Variants in SP7 observed in about 807,000 individuals in gnomAD.
The protein encoded by SP7 is transcription factor Sp7.
Under a neutral mutation model 27.9 loss-of-function variants are expected in SP7, and 13 were observed. That is an observed-to-expected ratio of 0.47 (90% CI 0.30 to 0.74). The LOEUF (loss-of-function observed/expected upper bound fraction) is 0.74. Among genes scored for constraint, SP7 ranks in the 30% least tolerant of loss-of-function variants. The probability of loss-of-function intolerance (pLI) is 0.06; values close to 1 mark genes in which losing one functional copy is unlikely to be tolerated. For synonymous variants in SP7, 219 were observed against 226.7 expected, an observed-to-expected ratio of 0.97 and a Z score of 0.31; for missense variants, 525 against 558.0, an observed-to-expected ratio of 0.94 and a Z score of 0.60.
upstream of SP7, among the ~76,000 whole-genome samples, chr12:53,337,267 A>G (rs755882480): frequency 2.6e-5 from 4 of 152,188 alleles, no homozygotes; most frequent in Non-Finnish European, 5.9e-5. Context: ...ATTGCCATGC[A>G]TCAATTCCCT....
At chr12:53,330,214 AT>A (rs1251971857) in intron 2 of SP7, among the ~76,000 whole-genome samples, 1 of 151,836 alleles carries the variant, frequency 6.6e-6, no homozygotes, top group African/African-American at 2.4e-5. Flanking sequence ...ACATTGAGCT[AT>A]TTTGTATTTT....
rs561224727 is a variant in SP7 at position 53,336,004 on chromosome 12, G to A, written c.-48+142C>T. 1.2e-4 allele frequency: 38 copies of A among 312,488 alleles called. No individual in the cohort carries two copies. In the South Asian group the frequency reaches 2.1e-3, roughly 17 times the overall value. The allele number at this position is 312,488 out of a possible 1,614,324, so 19.4% of individuals were successfully genotyped here. On this transcript the variant is annotated intron_variant, in intron 1 of 2. Coordinates refer to ENST00000536324, the MANE Select transcript of SP7 (RefSeq NM_001173467.3). ...TGGGAAGCAGGAAGAGGGGAGAGCA[G>A]CATGGGCAAGTTGTCAGGGCTTCCT...
upstream of SP7, among the ~76,000 whole-genome samples, chr12:53,336,548 C>T (rs1944774124): frequency 6.6e-6 from 1 of 152,108 alleles, no homozygotes. Flanking sequence ...CACACGTACA[C>T]ACAGTACCAC....
upstream of SP7, among the ~76,000 whole-genome samples, chr12:53,339,199 G>A (rs781297674): frequency 6.6e-6 from 1 of 152,162 alleles, no homozygotes; most frequent in Non-Finnish European, 1.5e-5. Context: ...CCACCCAGAC[G>A]CTGAGCTCCA....
rs767985851 is a variant in SP7, at chr12:53,328,752, T to C, written c.690A>G (p.Lys230=). The change falls in exon 3 of 3, where the codon AAA becomes AAG. Residue 230 remains lysine, a synonymous_variant. Transcript: ENST00000536324. This position sits in a 1 kb window ranked among gnomAD's most constrained non-coding sequence, Gnocchi z 5.1. ...PQHVLPQDVY[K]PKAVGNSGQL... The stretch of plus-strand genomic sequence containing the variant: ...GCCCACTATTTCCCACTGCCTTGGG[T>C]TTATAGACATCTTGGGGCAAGACAT... The C allele has an allele frequency of 1.2e-5, 19 of 1,605,310 alleles. No homozygotes were observed. Among genetic ancestry groups the C allele is most frequent in the Non-Finnish European group, 1.6e-5 (19 of 1,173,710 alleles).
In SP7 at chr12:53,328,331, T is replaced by TGCTCAGGTGGTC. The variant is rs1208648473; in HGVS notation, c.1099_1110dup (p.Asp367_Ser370dup). 5 of 1,611,722 alleles carry TGCTCAGGTGGTC rather than the reference T, an allele frequency of 3.1e-6. No homozygotes were observed. In the East Asian group the frequency reaches 1.1e-4, roughly 36 times the overall value. ...GGTTCTCCATGGGTGCGCTGGTGTT[T>TGCTCAGGTGGTC]GCTCAGGTGGTCGCTTCGGGTAAAG... On this transcript the variant is annotated inframe_insertion, in exon 3 of 3. Coordinates refer to ENST00000536324, the MANE Select transcript of SP7 (RefSeq NM_001173467.3). This position sits in a 1 kb window ranked among gnomAD's most constrained non-coding sequence, Gnocchi z 5.1.
rs779202353 is a variant in SP7, at chr12:53,344,055, A to T, written c.-34+1059T>A. Among the ~76,000 whole-genome samples the T allele has an allele frequency of 1.8e-4, 27 of 152,076 alleles. 1 individual carries two copies. Among genetic ancestry groups the T allele is most frequent in the Admixed American group, 7.2e-4 (11 of 15,268 alleles). On this transcript the variant is annotated intron_variant, in intron 1 of 1. Coordinates refer to the SP7 transcript ENST00000547755. This position sits in a 1 kb window ranked among gnomAD's most constrained non-coding sequence, Gnocchi z 4.6. ...AGAGCCAGACTCTGTCTCAAGAAAAAAAAAAATAAAAAAATAAGTCAATGA... is the reference window on the plus strand; with the variant it reads ...AGAGCCAGACTCTGTCTCAAGAAAATAAAAAATAAAAAAATAAGTCAATGA...
At position 53,328,931 on chromosome 12, in the gene SP7, C is replaced by A. The variant is rs1012137372; in HGVS notation, c.511G>T (p.Gly171Trp). ...TGCAGCCCATCACCCTGGCCCTGCCCACCACCTAGCCAGTTGCCTCCAGGG... is the reference window on the plus strand; with the variant it reads ...TGCAGCCCATCACCCTGGCCCTGCCAACCACCTAGCCAGTTGCCTCCAGGG... Reference protein sequence around the residue: ...MHPGGNWLGGGQGQGDGLQGT... With the variant: ...MHPGGNWLGGWQGQGDGLQGT... The change falls in exon 3 of 3, where the codon GGG (glycine) becomes TGG (tryptophan). Residue 171 changes from glycine (G) to tryptophan (W), a missense_variant. Gly to Trp is a radical substitution (Grantham distance 184). Transcript: ENST00000536324. The surrounding 1 kb of genome is among the most constrained non-coding windows in gnomAD (Gnocchi z 5.1). 15 of 1,611,414 alleles carry A rather than the reference C, an allele frequency of 9.3e-6. No individual in the cohort carries two copies. The highest frequency in any genetic ancestry group is 1.3e-5 in the Non-Finnish European group (15 of 1,178,770).
chr12:53,340,426 T>G (rs1944813052), upstream of SP7, among the ~76,000 whole-genome samples: 1 of 152,040 alleles, frequency 6.6e-6, no homozygotes, highest in Non-Finnish European at 1.5e-5. Context: ...CTCCTACTAG[T>G]ATAAGAAGTT....
upstream of SP7, among the ~76,000 whole-genome samples, chr12:53,339,658 G>A (rs1185374797): frequency 6.7e-6 from 1 of 150,308 alleles, no homozygotes. Context: ...CCAGGAGGTG[G>A]AGATTGCAGT....
intron 2 of SP7, among the ~76,000 whole-genome samples, chr12:53,333,906 T>C (rs989693104): frequency 2.6e-5 from 4 of 152,240 alleles, no homozygotes; most frequent in Non-Finnish European, 5.9e-5. Flanking sequence ...CATGAAAGTC[T>C]AGCTTCCACA....
chr12:53,328,209 CGAGGCAGAAGG>C lies in SP7; in HGVS notation c.1222_1232del (p.Pro408AlafsTer13). On this transcript the variant is annotated frameshift_variant, in exon 3 of 3. Transcript: ENST00000536324. LOFTEE classifies it high-confidence loss of function. The surrounding 1 kb of genome is among the most constrained non-coding windows in gnomAD (Gnocchi z 5.1). ...CAGGGGCTTTCTCTGGGGTTGCTGG[CGAGGCAGAAGG>C]TCGGGGCGTCTGACTGGCCTCCTCT... is the stretch of plus-strand genomic sequence containing the variant. The C allele has an allele frequency of 6.2e-7, 1 of 1,613,118 alleles. No homozygotes were observed. Among genetic ancestry groups the C allele is most frequent in the Non-Finnish European group, 8.5e-7 (1 of 1,179,638 alleles).
At chr12:53,338,750 T>C (rs1944796921), upstream of SP7, among the ~76,000 whole-genome samples, 1 of 152,098 alleles carries the variant, frequency 6.6e-6, no homozygotes. Context: ...CCCCGATGTG[T>C]CAACATAGGA....
chr12:53,341,964 G>C (rs1294356387), intron 1 of SP7, among the ~76,000 whole-genome samples: 4 of 152,064 alleles, frequency 2.6e-5, no homozygotes, highest in African/African-American at 4.8e-5. Context: ...GTAGGCTGAG[G>C]CAGAAGAATG....
chr12:53,339,935 G>C (rs1944807958), upstream of SP7, among the ~76,000 whole-genome samples: 1 of 152,068 alleles, frequency 6.6e-6, no homozygotes, highest in African/African-American at 2.4e-5. Context: ...AGAATCACCA[G>C]AGAATAGTGA....
upstream of SP7, among the ~76,000 whole-genome samples, chr12:53,339,014 C>T (rs1363621451): frequency 6.6e-6 from 1 of 152,190 alleles, no homozygotes. Flanking sequence ...CCTCCACCCT[C>T]TCAGGCCTCC....
At chr12:53,332,936 C>A (rs1363939653) in intron 2 of SP7, among the ~76,000 whole-genome samples, 1 of 152,188 alleles carries the variant, frequency 6.6e-6, no homozygotes, top group Non-Finnish European at 1.5e-5. Flanking sequence ...GTCCCCCGCC[C>A]GGCCCTCACA....
chr12:53,331,919 G>C (rs1161273815), intron 2 of SP7, among the ~76,000 whole-genome samples: 2 of 152,196 alleles, frequency 1.3e-5, no homozygotes, highest in African/African-American at 4.8e-5. Flanking sequence ...CATGAGGCAT[G>C]TGTGCAGTCC....
chr12:53,341,431 G>A (rs1433826174), intron 1 of SP7, among the ~76,000 whole-genome samples: 2 of 152,230 alleles, frequency 1.3e-5, no homozygotes, highest in Non-Finnish European at 2.9e-5. Flanking sequence ...TCTGAAACAA[G>A]GGGACCTGTC....
Sources: allele counts gnomAD v4.1 joint callset (sites outside exome capture counted in the v4.1 genomes callset), GRCh38; gene constraint gnomAD v4.1.1; non-coding constraint Gnocchi (gnomAD v3.1); transcripts MANE v1.5; gene names NCBI Gene and HGNC (gene_info 2026-07-23, HGNC 2026-07-21).